Variants in TLN2 observed in about 807,000 individuals in gnomAD.
The protein encoded by TLN2 is talin-2.
In TLN2, 118 loss-of-function variants were observed where a neutral mutation model predicts 294.7. That is an observed-to-expected ratio of 0.40 (90% confidence interval 0.34 to 0.47). The LOEUF is 0.47. TLN2 is among the 20% of genes least tolerant of loss of function. The probability of loss-of-function intolerance (pLI) is 0.84; values close to 1 mark genes in which losing one functional copy is unlikely to be tolerated. For synonymous variants in TLN2, 1,431 were observed against 1,304.5 expected, an observed-to-expected ratio of 1.10 and a Z score of -2.09; for missense variants, 3,083 against 3,282.2, an observed-to-expected ratio of 0.94 and a Z score of 1.48.
intron 1 of TLN2, among the ~76,000 whole-genome samples, chr15:62,426,665 A>G (rs546618398): frequency 1.3e-5 from 2 of 152,152 alleles, no homozygotes; most frequent in South Asian, 2.1e-4. Context: ...TGAGCTGTTC[A>G]TTCAGTTTTG....
At chr15:62,735,476 G>C (rs986908232) in intron 28 of TLN2, among the ~76,000 whole-genome samples, 1 of 152,164 alleles carries the variant, frequency 6.6e-6, no homozygotes, top group African/African-American at 2.4e-5. Context: ...TTAAGTACAT[G>C]CAAAGATGCT....
intron 1 of TLN2, among the ~76,000 whole-genome samples, chr15:62,561,921 C>A (rs1231199811): frequency 1.3e-5 from 2 of 152,088 alleles, no homozygotes; most frequent in Admixed American, 6.5e-5. Flanking sequence ...CTTTTCCTTC[C>A]TGGACTGTCC....
intron 1 of TLN2, among the ~76,000 whole-genome samples, chr15:62,439,487 A>G (rs1472520062): frequency 2.0e-5 from 3 of 152,000 alleles, no homozygotes; most frequent in Non-Finnish European, 4.4e-5. Flanking sequence ...TAATTTTTGT[A>G]TTTTTAGTAG....
chr15:62,825,801 T>TATTATATAATA (rs1212160568), intron 54 of TLN2, among the ~76,000 whole-genome samples: 1 of 10,876 alleles, frequency 9.2e-5, no homozygotes, highest in Non-Finnish European at 1.8e-4. Context: ...ATAATATATA[T>TATTATATAATA]TATATATTAT....
At chr15:62,768,333 TC>T (rs2063148239) in intron 41 of TLN2, among the ~76,000 whole-genome samples, 2 of 152,222 alleles carry the variant, frequency 1.3e-5, no homozygotes, top group African/African-American at 4.8e-5. Flanking sequence ...GCTTATATCT[TC>T]CTATGGCTCC....
At chr15:62,799,559 A>G (rs1034923532) in intron 48 of TLN2, among the ~76,000 whole-genome samples, 3 of 152,232 alleles carry the variant, frequency 2.0e-5, no homozygotes, top group Non-Finnish European at 4.4e-5. Flanking sequence ...TCATTCCACA[A>G]GTATTTACTG....
At chr15:62,741,449 T>A (rs1167017395) in intron 32 of TLN2, among the ~76,000 whole-genome samples, 1 of 152,146 alleles carries the variant, frequency 6.6e-6, no homozygotes, top group Non-Finnish European at 1.5e-5. Flanking sequence ...TTGAATGTGG[T>A]ATGTGGAGCA....
At chr15:62,467,589 G>T (rs2037212217) in intron 1 of TLN2, among the ~76,000 whole-genome samples, 1 of 152,150 alleles carries the variant, frequency 6.6e-6, no homozygotes, top group African/African-American at 2.4e-5. Context: ...CTACTCGAGA[G>T]ACTGAGGCAG....
chr15:62,741,381 G>T (rs1044109150), intron 32 of TLN2, among the ~76,000 whole-genome samples: 1 of 152,218 alleles, frequency 6.6e-6, no homozygotes, highest in Non-Finnish European at 1.5e-5. Context: ...ACCCAGGGAA[G>T]TGGATAAAAC....
Position 62,843,392 on chromosome 15 carries a change from G to C in TLN2, c.*2782G>C, listed in dbSNP as rs755151468. 6.6e-6 allele frequency: 1 copy of C among 152,220 alleles called. No homozygotes were observed. Among genetic ancestry groups the C allele is most frequent in the South Asian group, 2.1e-4 (1 of 4,826 alleles). 9.4% of individuals were successfully genotyped at this position (152,220 alleles called of 1,614,324 possible). On this transcript the variant is annotated 3_prime_UTR_variant, in exon 59 of 59. Coordinates refer to ENST00000636159, the MANE Select transcript of TLN2 (RefSeq NM_015059.3). ...ATGCTGAGGTCATATTTAGTTCAAT[G>C]AACAGCCCTTGTTTAAGTTTTGCCA...
intron 2 of TLN2, among the ~76,000 whole-genome samples, chr15:62,589,999 G>A (rs537745727): frequency 1.5e-5 from 2 of 134,490 alleles, no homozygotes; most frequent in South Asian, 2.8e-4. Flanking sequence ...CTGAGTAGCT[G>A]GGTTTTTGTT....
intron 40 of TLN2, among the ~76,000 whole-genome samples, chr15:62,764,292 T>C (rs1056294338): frequency 6.6e-6 from 1 of 152,338 alleles, no homozygotes; most frequent in South Asian, 2.1e-4. Flanking sequence ...CTATTACCTG[T>C]CCAAAGGTTC....
intron 1 of TLN2, among the ~76,000 whole-genome samples, chr15:62,484,305 C>T (rs937486233): frequency 2.6e-5 from 4 of 152,052 alleles, no homozygotes; most frequent in Non-Finnish European, 4.4e-5. Context: ...GAAATAATAG[C>T]GTTCTGGTGG....
At chr15:62,730,768 C>T (rs1356106201) in intron 28 of TLN2, among the ~76,000 whole-genome samples, 1 of 151,780 alleles carries the variant, frequency 6.6e-6, no homozygotes, top group Non-Finnish European at 1.5e-5. Flanking sequence ...TTTTTTTAGT[C>T]TTCGATTTTC....
chr15:62,779,876 A>G (rs1454598274), intron 43 of TLN2, among the ~76,000 whole-genome samples: 2 of 152,280 alleles, frequency 1.3e-5, no homozygotes, highest in Non-Finnish European at 2.9e-5. Context: ...CACATCACGC[A>G]TAGGCCACAG....
chr15:62,460,925 T>TTG (rs558763158), intron 1 of TLN2, among the ~76,000 whole-genome samples: 49 of 151,732 alleles, frequency 3.2e-4, no homozygotes, highest in African/African-American at 9.9e-4. Context: ...TTAGTTTTGC[T>TTG]TGTGTGTGTG....
intron 1 of TLN2, among the ~76,000 whole-genome samples, chr15:62,567,561 G>A (rs539094977): frequency 6.6e-6 from 1 of 152,312 alleles, no homozygotes; most frequent in South Asian, 2.1e-4. Flanking sequence ...CCAGCCAGGA[G>A]CTGTGGCTCA....
At chr15:62,756,231 A>G (rs563477271) in intron 37 of TLN2, among the ~76,000 whole-genome samples, 3 of 152,288 alleles carry the variant, frequency 2.0e-5, no homozygotes, top group African/African-American at 2.4e-5. Context: ...GTGGAGCGTC[A>G]ACTTTTAAAA....
chr15:62,772,436 C>A (rs567963058), intron 42 of TLN2, among the ~76,000 whole-genome samples: 71 of 152,050 alleles, frequency 4.7e-4, no homozygotes, highest in Admixed American at 7.2e-4. Flanking sequence ...AAAAAGAATA[C>A]TCTTTTGACT....
Sources: gnomAD v4.1 joint callset for allele counts (sites outside exome capture counted in the v4.1 genomes callset) on GRCh38, gnomAD v4.1.1 for gene constraint, MANE v1.5 for transcripts, NCBI Gene and HGNC (gene_info 2026-07-23, HGNC 2026-07-21) for gene names.